ADAM12: variants seen among roughly 807,000 people sequenced by gnomAD.
ADAM12 encodes disintegrin and metalloproteinase domain-containing protein 12.
ADAM12 carries 70 observed loss-of-function variants against 106.4 expected under a neutral mutation model. That is an observed-to-expected ratio of 0.66 (90% CI 0.54 to 0.80). The LOEUF is 0.80. Ranked by LOEUF, ADAM12 falls within the 30% of genes least tolerant of loss-of-function variation. The pLI, the probability that ADAM12 is intolerant of heterozygous loss-of-function variation, is 0.00. For synonymous variants in ADAM12, 420 were observed against 433.5 expected (o/e 0.97, Z 0.39); for missense variants, 1,010 against 1,171.9 (o/e 0.86, Z 2.02).
intron 1 of ADAM12, among the ~76,000 whole-genome samples, chr10:126,368,787 T>C (rs924462027): frequency 6.6e-6 from 1 of 150,764 alleles, no homozygotes; most frequent in African/African-American, 2.4e-5. Context: ...GTAGAGGAAA[T>C]AAAAAGGAAA....
At chr10:126,241,351 T>C (rs1339419859) in intron 3 of ADAM12, among the ~76,000 whole-genome samples, 1 of 152,262 alleles carries the variant, frequency 6.6e-6, no homozygotes, top group East Asian at 1.9e-4. Context: ...ACTGAAACTG[T>C]ACCCTTTAAA....
intron 5 of ADAM12, among the ~76,000 whole-genome samples, chr10:126,127,613 G>A (rs1366092003): frequency 1.3e-5 from 2 of 152,210 alleles, no homozygotes; most frequent in African/African-American, 2.4e-5. Flanking sequence ...TACGTTGCAG[G>A]CACCTCGTAG....
intron 21 of ADAM12, among the ~76,000 whole-genome samples, chr10:126,033,515 G>A (rs1159927222): frequency 1.3e-5 from 2 of 152,108 alleles, no homozygotes; most frequent in African/African-American, 4.8e-5. Context: ...CTTGGCCTGG[G>A]CTCTGGATAG....
intron 1 of ADAM12, among the ~76,000 whole-genome samples, chr10:126,361,849 A>G (rs1855755853): frequency 6.6e-6 from 1 of 152,196 alleles, no homozygotes; most frequent in Admixed American, 6.5e-5. Context: ...GGAAACAAAG[A>G]AAATCTACAT....
intron 3 of ADAM12, 45 bp from the exon 4 acceptor site, chr10:126,155,350 C>G (rs763671092): frequency 5.2e-6 from 8 of 1,541,610 alleles, no homozygotes; most frequent in Non-Finnish European, 5.4e-6. Context: ...TGCAGAATTG[C>G]ATTGATACAT....
chr10:126,363,804 C>G (rs186697203), intron 1 of ADAM12, among the ~76,000 whole-genome samples: 8 of 152,154 alleles, frequency 5.3e-5, no homozygotes, highest in Non-Finnish European at 8.8e-5. Flanking sequence ...CTCACAGACA[C>G]ATGAGCGAAA....
intron 2 of ADAM12, among the ~76,000 whole-genome samples, chr10:126,318,624 G>A (rs1853978027): frequency 6.6e-6 from 1 of 152,094 alleles, no homozygotes; most frequent in African/African-American, 2.4e-5. Context: ...ATCCATGGGT[G>A]TATGTCAAAG....
intron 19 of ADAM12, 142 bp from the exon 20 acceptor site, chr10:126,038,491 T>TAACA (rs543252936): frequency 2.8e-5 from 17 of 599,440 alleles, no homozygotes; most frequent in Non-Finnish European, 3.7e-5. Flanking sequence ...AATTACCTAA[T>TAACA]AACACTCTTA....
intron 3 of ADAM12, among the ~76,000 whole-genome samples, chr10:126,235,197 C>T (rs1958390015): frequency 6.6e-6 from 1 of 152,226 alleles, no homozygotes; most frequent in African/African-American, 2.4e-5. Context: ...GCATCTGCCT[C>T]AGGTGACCCA....
In ADAM12 at chr10:126,014,852, C is replaced by T. The variant is rs1426293423; in HGVS notation, c.*2427G>A. 2.6e-5 allele frequency: 4 copies of T among 151,620 alleles called. No individual in the cohort carries two copies. The highest frequency in any genetic ancestry group is 5.9e-5 in the Non-Finnish European group (4 of 67,978). The allele number at this position is 151,620 out of a possible 1,614,324, so 9.4% of individuals were successfully genotyped here. A position where few individuals can be genotyped will look rare whatever the true frequency, so the allele number is the denominator to read the frequency against. On this transcript the variant is annotated 3_prime_UTR_variant, in exon 23 of 23. Coordinates refer to ENST00000448723, the MANE Select transcript of ADAM12 (RefSeq NM_001288973.2). ...GTCTTTTAAAAAAATACTAGATTGC[C>T]ATTGAAATATAAGTATTGATTTTTT...
chr10:126,340,720 G>A (rs1021740044), intron 1 of ADAM12, among the ~76,000 whole-genome samples: 1 of 138,844 alleles, frequency 7.2e-6, no homozygotes, highest in East Asian at 2.1e-4. Context: ...CTCGTGGCCT[G>A]TTTTTTTTTT....
chr10:126,134,552 T>C (rs1404500124), intron 5 of ADAM12, among the ~76,000 whole-genome samples: 1 of 152,200 alleles, frequency 6.6e-6, no homozygotes, highest in East Asian at 1.9e-4. Flanking sequence ...GGACCAACGC[T>C]GGTAAATACT....
Position 126,016,017 on chromosome 10 carries a change from A to ATAAGGAAATCAACT in ADAM12, c.*1261_*1262insAGTTGATTTCCTTA, listed in dbSNP as rs1458708216. 3 of 152,186 alleles carry ATAAGGAAATCAACT rather than the reference A, an allele frequency of 2.0e-5. No individual in the cohort carries two copies. The highest frequency in any genetic ancestry group is 4.4e-5 in the Non-Finnish European group (3 of 68,038). The allele number at this position is 152,186 out of a possible 1,614,324, so 9.4% of individuals were successfully genotyped here. On this transcript the variant is annotated 3_prime_UTR_variant, in exon 23 of 23. Transcript: ENST00000448723. Reference sequence around the variant, plus strand: ...GTTGATTTCCTTATCACATTCTGTGATGCTCAACAGGTAGGTTGCAAGTGT... The same window carrying ATAAGGAAATCAACT: ...GTTGATTTCCTTATCACATTCTGTGATAAGGAAATCAACTTGCTCAACAGGTAGGTTGCAAGTGT...
chr10:126,234,633 A>G (rs1364096660), intron 3 of ADAM12, among the ~76,000 whole-genome samples: 1 of 152,210 alleles, frequency 6.6e-6, no homozygotes, highest in Admixed American at 6.5e-5. Flanking sequence ...GAGAAACAGA[A>G]ACACACACGC....
chr10:126,388,342 G>A lies in ADAM12; in HGVS notation c.-197C>T. The A allele has an allele frequency of 2.5e-6, 2 of 813,444 alleles. No individual in the cohort carries two copies. Among genetic ancestry groups the A allele is most frequent in the Non-Finnish European group, 3.2e-6 (2 of 624,264 alleles). The allele number at this position is 813,444 out of a possible 1,614,324, so 50.4% of individuals were successfully genotyped here. ...TTCATTTTTAAAAAAGTTTCCCCCC[G>A]TGTGTGTGCGTGCGTGCGCGCGCGC... On this transcript the variant is annotated 5_prime_UTR_variant, in exon 1 of 23. It adds an upstream start codon to the 5' untranslated region. Coordinates refer to ENST00000448723, the MANE Select transcript of ADAM12 (RefSeq NM_001288973.2). This position sits in a 1 kb window ranked among gnomAD's most constrained non-coding sequence, Gnocchi z 4.4.
At chr10:126,264,886 C>G (rs1225680109) in intron 3 of ADAM12, among the ~76,000 whole-genome samples, 1 of 152,136 alleles carries the variant, frequency 6.6e-6, no homozygotes, top group Admixed American at 6.5e-5. Context: ...TACCTCCGTG[C>G]CAGATGTGAG....
chr10:126,239,687 T>G (rs1161267108), intron 3 of ADAM12, among the ~76,000 whole-genome samples: 1 of 152,234 alleles, frequency 6.6e-6, no homozygotes, highest in Non-Finnish European at 1.5e-5. Context: ...TAAGGAATTA[T>G]GACATAGTGC....
At chr10:126,135,702 AT>A (rs1171528810) in intron 4 of ADAM12, 42 bp from the exon 5 acceptor site, 5 of 1,562,788 alleles carry the variant, frequency 3.2e-6, no homozygotes, top group Non-Finnish European at 4.4e-6. Context: ...GTTATAACAC[AT>A]TTTTGCCCAC....
intron 16 of ADAM12, among the ~76,000 whole-genome samples, chr10:126,048,096 A>G (rs74340081): frequency 1.9e-4 from 29 of 152,344 alleles, no homozygotes; most frequent in Admixed American, 1.8e-3. Context: ...AAATGATGAG[A>G]ACACATAGGC....
Sources: allele counts gnomAD v4.1 joint callset (sites outside exome capture counted in the v4.1 genomes callset), GRCh38; gene constraint gnomAD v4.1.1; non-coding constraint Gnocchi (gnomAD v3.1); transcripts MANE v1.5; gene names NCBI Gene and HGNC (gene_info 2026-07-23, HGNC 2026-07-21).